Variants in IL1R2 observed in about 807,000 individuals in gnomAD.
IL1R2 encodes interleukin-1 receptor type 2.
IL1R2 carries 46 observed loss-of-function variants against 39.5 expected under a neutral mutation model. The ratio of observed to expected loss-of-function variants is 1.16; its 90% CI spans 0.92 to 1.49. The LOEUF is 1.49. Ranked by LOEUF, IL1R2 falls within the 40% of genes most tolerant of loss-of-function variation. The pLI, the probability that IL1R2 is intolerant of heterozygous loss-of-function variation, is 0.00. For missense variants in IL1R2, 537 were observed against 502.0 expected (o/e 1.07, Z -0.67); for synonymous variants, 207 against 189.6 (o/e 1.09, Z -0.75).
In IL1R2 at chr2:102,020,525, T is replaced by A. The variant is rs537489248; in HGVS notation, c.688+713T>A. Among the ~76,000 whole-genome samples the A allele has an allele frequency of 3.2e-4, 48 of 152,306 alleles. No homozygotes were observed. The South Asian group carries it at 9.7e-3, about 31-fold the overall frequency. On this transcript the variant is annotated intron_variant, in intron 5 of 8. Coordinates refer to ENST00000332549, the MANE Select transcript of IL1R2 (RefSeq NM_004633.4). The stretch of plus-strand genomic sequence containing the variant: ...GAATAATGATCACAACTGGGGTCTT[T>A]TGAGGGGATTTCAGAGAGCTTCAGA...
At chr2:101,994,014 C>T (rs1057274635) in intron 1 of IL1R2, among the ~76,000 whole-genome samples, 7 of 152,218 alleles carry the variant, frequency 4.6e-5, no homozygotes, top group East Asian at 1.9e-4. Context: ...GTGGGCTTCC[C>T]GCCCAGCTGA....
rs548130034 is a variant in IL1R2, at chr2:102,028,090, C to A, written c.1031-136C>A. 5.7e-6 allele frequency: 4 copies of A among 704,928 alleles called. No homozygotes were observed. The East Asian group carries it at 8.6e-5, about 15-fold the overall frequency. 43.7% of individuals were successfully genotyped at this position (704,928 alleles called of 1,614,324 possible). On this transcript the variant is annotated intron_variant, in intron 8 of 8. Coordinates refer to ENST00000332549, the MANE Select transcript of IL1R2 (RefSeq NM_004633.4). ...CCTCCATGTTGGTGTGAGGGATGTG[C>A]TTTCTGAAAATCAATGCACATTTAT...
chr2:101,995,225 C>A (rs1402526449), intron 1 of IL1R2, among the ~76,000 whole-genome samples: 2 of 152,170 alleles, frequency 1.3e-5, no homozygotes, highest in African/African-American at 4.8e-5. Context: ...CTGACATAAC[C>A]AGGTGAGCTG....
chr2:102,008,726 A>T (rs1577699934), intron 2 of IL1R2, 84 bp downstream of exon 2: 1 of 1,225,610 alleles, frequency 8.2e-7, no homozygotes. Context: ...TTTCCTTGTC[A>T]GAAAGCAAAG....
At position 102,007,082 on chromosome 2, in the gene IL1R2, G is replaced by A. The variant is rs563141315; in HGVS notation, c.-61-1433G>A. On this transcript the variant is annotated intron_variant, in intron 1 of 8. Coordinates refer to ENST00000332549, the MANE Select transcript of IL1R2 (RefSeq NM_004633.4). ...CTTGCCCACAGACTTGTGAGCAAGA[G>A]TGAACGACCGTTGTTTCACACCATT... Among the ~76,000 whole-genome samples, 5 of 152,326 alleles carry A rather than the reference G, an allele frequency of 3.3e-5. No individual in the cohort carries two copies. In the South Asian group the frequency reaches 1.0e-3, roughly 32 times the overall value.
At chr2:102,028,149 T>G in intron 8 of IL1R2, 77 bp from the exon 9 acceptor site, 1 of 1,239,864 alleles carries the variant, frequency 8.1e-7, no homozygotes, top group African/African-American at 1.5e-5. Context: ...TTTCTTATCT[T>G]GTACACCTGC....
At chr2:102,006,498 T>C (rs142617542) in intron 1 of IL1R2, among the ~76,000 whole-genome samples, 1 of 151,974 alleles carries the variant, frequency 6.6e-6, no homozygotes, top group Non-Finnish European at 1.5e-5. Flanking sequence ...GTTTCTGGAG[T>C]GCGAGGGTCG....
intron 3 of IL1R2, among the ~76,000 whole-genome samples, chr2:102,013,267 T>C (rs920075378): frequency 6.6e-6 from 1 of 152,124 alleles, no homozygotes; most frequent in African/African-American, 2.4e-5. Flanking sequence ...CCTTTAATAC[T>C]CTTTGTCAAC....
chr2:101,993,580 TTC>T (rs753275688), intron 1 of IL1R2, among the ~76,000 whole-genome samples: 7 of 150,970 alleles, frequency 4.6e-5, no homozygotes, highest in East Asian at 1.9e-4. Context: ...GTCTGCCTGT[TTC>T]TCTCTCTCTC....
chr2:102,024,527 C>T lies in IL1R2; in HGVS notation c.752-6C>T, dbSNP rs1357999472. The T allele has an allele frequency of 6.2e-7, 1 of 1,609,388 alleles. No homozygotes were observed. The highest frequency in any genetic ancestry group is 8.5e-7 in the Non-Finnish European group (1 of 1,175,836). Reference sequence around the variant, plus strand: ...CAGTTGACGTGCTGTGCCTTGCCATCCACAGGGTCAAGACTGACAATCCCG... The same window carrying T: ...CAGTTGACGTGCTGTGCCTTGCCATTCACAGGGTCAAGACTGACAATCCCG... On this transcript the variant is annotated splice_region_variant and splice_polypyrimidine_tract_variant and intron_variant, in intron 6 of 8. Transcript: ENST00000332549.
intron 1 of IL1R2, among the ~76,000 whole-genome samples, chr2:101,996,749 T>C (rs1172999704): frequency 2.0e-5 from 3 of 151,532 alleles, no homozygotes; most frequent in African/African-American, 4.8e-5. Flanking sequence ...TGTATATATA[T>C]ACTGATTATA....
In IL1R2 at chr2:101,993,897, C is replaced by T. The variant is rs569659275; in HGVS notation, c.-62+1886C>T. ...AGACCTTCCTGGAACCTCCCAGCGC[C>T]GCATGGCTGCAGTGGGAGCTGCCGG... On this transcript the variant is annotated intron_variant, in intron 1 of 8. Coordinates refer to ENST00000332549, the MANE Select transcript of IL1R2 (RefSeq NM_004633.4). Among the ~76,000 whole-genome samples, 543 of 152,266 alleles carry T rather than the reference C, an allele frequency of 3.6e-3. 4 individuals carry two copies. The highest frequency in any genetic ancestry group is 0.012 in the African/African-American group (511 of 41,534).
chr2:102,014,735 G>A (rs930570918), intron 3 of IL1R2, among the ~76,000 whole-genome samples: 1 of 151,466 alleles, frequency 6.6e-6, no homozygotes, highest in Non-Finnish European at 1.5e-5. Context: ...CGTCCTTATT[G>A]TCTCTGTCAA....
At chr2:101,996,206 A>T (rs1014882150) in intron 1 of IL1R2, among the ~76,000 whole-genome samples, 1 of 152,132 alleles carries the variant, frequency 6.6e-6, no homozygotes, top group Non-Finnish European at 1.5e-5. Context: ...GGGACGCAGG[A>T]TTTCAGCTCA....
rs1401187811 is a variant in IL1R2 at position 101,992,394 on chromosome 2, CAAAG to C, written c.-62+389_-62+392del. ...AGGCAGAGAGACAGAGACAGAGAGA[CAAAG>C]AAAGACAGAGACAGAGAGAGGCAGA... On this transcript the variant is annotated intron_variant, in intron 1 of 8. Transcript: ENST00000332549. Among the ~76,000 whole-genome samples the C allele has an allele frequency of 4.5e-5, 6 of 133,548 alleles. No homozygotes were observed. In the South Asian group the frequency reaches 7.3e-4, roughly 16 times the overall value. 87.6% of individuals were successfully genotyped at this position (133,548 alleles called of 152,430 possible).
chr2:102,027,821 T>C (rs1297184367), intron 8 of IL1R2, among the ~76,000 whole-genome samples: 1 of 152,188 alleles, frequency 6.6e-6, no homozygotes, highest in Non-Finnish European at 1.5e-5. Flanking sequence ...TCAAAATTTA[T>C]TTTCCTTTGC....
chr2:102,015,133 C>T lies in IL1R2; in HGVS notation c.333-738C>T, dbSNP rs3218895. ...GGAGCAAAGGGAATATTCCTTTTTA[C>T]GGAAACAATGGCTCTTGGGAAACAA... On this transcript the variant is annotated intron_variant, in intron 3 of 8. Transcript: ENST00000332549. 8.6e-3 allele frequency among the ~76,000 whole-genome samples: 1,310 copies of T among 152,200 alleles called. 22 individuals carry two copies. Among genetic ancestry groups the T allele is most frequent in the African/African-American group, 0.03 (1,253 of 41,534 alleles).
intron 1 of IL1R2, among the ~76,000 whole-genome samples, chr2:101,992,354 G>T (rs1037110407): frequency 6.6e-6 from 1 of 151,036 alleles, no homozygotes; most frequent in South Asian, 2.1e-4. Flanking sequence ...GAGAGACAGA[G>T]AAAGACAGAG....
At chr2:102,020,563 TTAAA>T (rs1242856901) in intron 5 of IL1R2, among the ~76,000 whole-genome samples, 2 of 152,150 alleles carry the variant, frequency 1.3e-5, no homozygotes, top group African/African-American at 4.8e-5. Context: ...CACGCTAAGT[TTAAA>T]TAATTGGTCT....
Sources: gnomAD v4.1 joint callset for allele counts (sites outside exome capture counted in the v4.1 genomes callset) on GRCh38, gnomAD v4.1.1 for gene constraint, MANE v1.5 for transcripts, NCBI Gene and HGNC (gene_info 2026-07-23, HGNC 2026-07-21) for gene names.